LPAR3: variants seen among roughly 807,000 people sequenced by gnomAD.
The protein encoded by LPAR3 is lysophosphatidic acid receptor 3.
In LPAR3, 7 loss-of-function variants were observed where a neutral mutation model predicts 17.8. The ratio of observed to expected loss-of-function variants is 0.39; its 90% CI spans 0.22 to 0.74. The LOEUF is 0.74. Among genes scored for constraint, LPAR3 ranks in the 30% least tolerant of loss-of-function variants. The pLI is 0.40. For missense variants in LPAR3, 391 were observed against 453.4 expected, an observed-to-expected ratio of 0.86 and a Z score of 1.25; for synonymous variants, 179 against 179.9, an observed-to-expected ratio of 0.99 and a Z score of 0.04.
chr1:84,866,196 T>C (rs1482812361), intron 1 of LPAR3, 58 bp from the exon 2 acceptor site: 4 of 1,332,686 alleles, frequency 3.0e-6, no homozygotes, highest in Non-Finnish European at 3.1e-6. Flanking sequence ...CACTAAGCCA[T>C]CAATTGCTGT....
rs56332322 is a variant in LPAR3, at chr1:84,856,096, C to A, written c.736+9289G>T. ...ACTGAGTGGCAACTGCATTTTTGCA[C>A]CCACCGATTGACGGCCTGCCCTGAA... On this transcript the variant is annotated intron_variant, in intron 2 of 2. Coordinates refer to ENST00000370611, the MANE Select transcript of LPAR3 (RefSeq NM_012152.3). 9.1e-3 allele frequency among the ~76,000 whole-genome samples: 1,392 copies of A among 152,256 alleles called. 12 individuals carry two copies. The highest frequency in any genetic ancestry group is 0.014 in the Non-Finnish European group (981 of 68,028).
In LPAR3 at chr1:84,814,084, T is replaced by C; in HGVS notation, c.824A>G (p.Lys275Arg). 1 of 1,614,136 alleles carries C rather than the reference T, an allele frequency of 6.2e-7. No individual in the cohort carries two copies. The highest frequency in any genetic ancestry group is 8.5e-7 in the Non-Finnish European group (1 of 1,180,030). Residue 275 changes from lysine (K) to arginine (R), a missense_variant, in exon 3 of 3, where the codon AAA (lysine) becomes AGA (arginine). By Grantham distance (26) the Lys-to-Arg change is conservative (BLOSUM62 2). Transcript: ENST00000370611. ...CAGCGCCAGCAGCAGGAACCACCTT[T>C]TCACATGCTGCACGCCACACTGCCT... ...NCRQCGVQHV[K>R]RWFLLLALLN...
At chr1:84,815,818 A>C (rs1472641736) in intron 2 of LPAR3, among the ~76,000 whole-genome samples, 1 of 152,210 alleles carries the variant, frequency 6.6e-6, no homozygotes, top group Non-Finnish European at 1.5e-5. Context: ...TTTCCACAAA[A>C]AATATCTATA....
chr1:84,864,211 CA>C (rs111255790), intron 2 of LPAR3, among the ~76,000 whole-genome samples: 100 of 120,706 alleles, frequency 8.3e-4, no homozygotes, highest in Non-Finnish European at 7.4e-4. Context: ...GGTCCTGTCT[CA>C]AAAAAAAAAA....
intron 2 of LPAR3, among the ~76,000 whole-genome samples, chr1:84,838,425 C>T (rs949230960): frequency 6.6e-6 from 1 of 152,236 alleles, no homozygotes; most frequent in East Asian, 1.9e-4. Flanking sequence ...AACAGTATCA[C>T]TGTACACCCA....
intron 2 of LPAR3, among the ~76,000 whole-genome samples, chr1:84,839,098 C>T (rs533743203): frequency 8.5e-5 from 13 of 152,284 alleles, no homozygotes; most frequent in East Asian, 5.8e-4. Context: ...ATCAACCCTC[C>T]GAGGTAGGTA....
At chr1:84,871,393 A>G (rs979279985) in intron 1 of LPAR3, among the ~76,000 whole-genome samples, 2 of 152,236 alleles carry the variant, frequency 1.3e-5, no homozygotes, top group Non-Finnish European at 2.9e-5. Context: ...AGACATTTGA[A>G]AACCACTCAA....
At chr1:84,882,700 T>C (rs989283118) in intron 1 of LPAR3, among the ~76,000 whole-genome samples, 11 of 152,216 alleles carry the variant, frequency 7.2e-5, no homozygotes, top group Non-Finnish European at 1.2e-4. Context: ...CAACGGATCT[T>C]TGACAAGGGT....
chr1:84,891,701 T>C (rs773928440), intron 1 of LPAR3, among the ~76,000 whole-genome samples: 4 of 152,194 alleles, frequency 2.6e-5, no homozygotes, highest in Non-Finnish European at 5.9e-5. Flanking sequence ...CGTTGTGCGG[T>C]ACATGGAATT....
intron 2 of LPAR3, among the ~76,000 whole-genome samples, chr1:84,835,251 T>C (rs1284126985): frequency 6.6e-6 from 1 of 152,220 alleles, no homozygotes; most frequent in Admixed American, 6.5e-5. Context: ...AAACAATTTG[T>C]TCTCCAACTC....
chr1:84,813,457 A>T lies in LPAR3; in HGVS notation c.*389T>A, dbSNP rs1049415688. 1.1e-5 allele frequency: 2 copies of T among 174,440 alleles called. No individual in the cohort carries two copies. The highest frequency in any genetic ancestry group is 4.7e-5 in the African/African-American group (2 of 42,344). The allele number at this position is 174,440 out of a possible 1,614,324, so 10.8% of individuals were successfully genotyped here. On this transcript the variant is annotated 3_prime_UTR_variant, in exon 3 of 3. Coordinates refer to ENST00000370611, the MANE Select transcript of LPAR3 (RefSeq NM_012152.3). The stretch of plus-strand genomic sequence containing the variant: ...GCAGAAAGAACTACATAGACTCTCC[A>T]AGCAGCTATATAAGGTGGCTCAAGT...
intron 1 of LPAR3, among the ~76,000 whole-genome samples, chr1:84,870,873 T>A (rs909823872): frequency 3.3e-5 from 5 of 152,196 alleles, no homozygotes; most frequent in African/African-American, 1.2e-4. Flanking sequence ...AAGGACTATA[T>A]TTATACTTAC....
intron 2 of LPAR3, among the ~76,000 whole-genome samples, chr1:84,834,067 T>C (rs1443429240): frequency 6.6e-6 from 1 of 152,216 alleles, no homozygotes; most frequent in East Asian, 1.9e-4. Context: ...AAGACCTGCG[T>C]GGTAGAAGTA....
chr1:84,849,399 A>AAAG (rs1482917222), intron 2 of LPAR3, among the ~76,000 whole-genome samples: 1 of 149,506 alleles, frequency 6.7e-6, no homozygotes, highest in African/African-American at 2.5e-5. Context: ...AAAAAGAAAG[A>AAAG]AAGAAAAGTC....
intron 2 of LPAR3, among the ~76,000 whole-genome samples, chr1:84,850,039 C>T (rs1050933518): frequency 1.3e-5 from 2 of 152,154 alleles, no homozygotes; most frequent in African/African-American, 4.8e-5. Flanking sequence ...AAATCTTCAA[C>T]AATTTTCTCT....
chr1:84,871,885 C>A (rs1316348774), intron 1 of LPAR3, among the ~76,000 whole-genome samples: 1 of 152,162 alleles, frequency 6.6e-6, no homozygotes, highest in Non-Finnish European at 1.5e-5. Flanking sequence ...GATCCTTTCC[C>A]TGCCACTCTC....
At chr1:84,852,829 A>G (rs1659745165) in intron 2 of LPAR3, among the ~76,000 whole-genome samples, 1 of 152,214 alleles carries the variant, frequency 6.6e-6, no homozygotes, top group African/African-American at 2.4e-5. Flanking sequence ...CATAACAGGA[A>G]GGTCAAGGTA....
intron 2 of LPAR3, among the ~76,000 whole-genome samples, chr1:84,853,476 C>G (rs1570884635): frequency 6.6e-6 from 1 of 152,328 alleles, no homozygotes; most frequent in African/African-American, 2.4e-5. Flanking sequence ...GTTGCTCTTG[C>G]CTGACCCTGC....
At chr1:84,825,232 A>G (rs1180761844) in intron 2 of LPAR3, among the ~76,000 whole-genome samples, 3 of 152,186 alleles carry the variant, frequency 2.0e-5, no homozygotes, top group Non-Finnish European at 4.4e-5. Context: ...AATGTGAGAG[A>G]ATCTCGTGGT....
Sources: gnomAD v4.1 joint callset for allele counts (sites outside exome capture counted in the v4.1 genomes callset) on GRCh38, gnomAD v4.1.1 for gene constraint, MANE v1.5 for transcripts, NCBI Gene and HGNC (gene_info 2026-07-23, HGNC 2026-07-21) for gene names.